Variants in PLPPR1 observed in about 807,000 individuals in gnomAD.
The protein encoded by PLPPR1 is phospholipid phosphatase-related protein type 1.
PLPPR1 carries 10 observed loss-of-function variants against 33.1 expected under a neutral mutation model. The ratio of observed to expected loss-of-function variants is 0.30; its 90% CI spans 0.19 to 0.51. The LOEUF is 0.51. Among genes scored for constraint, PLPPR1 ranks in the 20% least tolerant of loss-of-function variants. The probability of loss-of-function intolerance (pLI) is 0.97; values close to 1 mark genes in which losing one functional copy is unlikely to be tolerated. For missense variants in PLPPR1, 304 were observed against 408.1 expected (o/e 0.74, Z 2.20); for synonymous variants, 151 against 151.0 (o/e 1.00, Z 0.00).
chr9:101,160,949 A>G (rs1831764676), intron 1 of PLPPR1, among the ~76,000 whole-genome samples: 2 of 152,312 alleles, frequency 1.3e-5, no homozygotes, highest in East Asian at 3.9e-4. Context: ...CCCTTCAGCT[A>G]TTAAAGCTGT....
chr9:101,323,204 A>G (rs572490366), intron 7 of PLPPR1, among the ~76,000 whole-genome samples: 2 of 152,324 alleles, frequency 1.3e-5, no homozygotes, highest in African/African-American at 4.8e-5. Flanking sequence ...GAATAAGTTT[A>G]GGTGAAGATG....
chr9:101,111,275 T>C (rs1831052805), intron 1 of PLPPR1, among the ~76,000 whole-genome samples: 1 of 152,092 alleles, frequency 6.6e-6, no homozygotes, highest in African/African-American at 2.4e-5. Context: ...AAATAACAAA[T>C]AAAAGCTAGG....
chr9:101,088,550 T>C (rs1484179958), intron 1 of PLPPR1, among the ~76,000 whole-genome samples: 1 of 152,144 alleles, frequency 6.6e-6, no homozygotes, highest in Non-Finnish European at 1.5e-5. Flanking sequence ...TCACTTTGTG[T>C]TTCCTTTCTT....
intron 4 of PLPPR1, among the ~76,000 whole-genome samples, chr9:101,297,931 A>T (rs999951670): frequency 6.6e-6 from 1 of 152,188 alleles, no homozygotes; most frequent in African/African-American, 2.4e-5. Flanking sequence ...AGGAAGTTAC[A>T]TTTTCCAAAA....
At position 101,083,851 on chromosome 9, in the gene PLPPR1, G is replaced by GTTC. The variant is rs758343604; in HGVS notation, c.-46+54750_-46+54751insTCT. 2.0e-4 allele frequency among the ~76,000 whole-genome samples: 30 copies of GTTC among 152,330 alleles called. No homozygotes were observed. In the South Asian group the frequency reaches 5.8e-3, roughly 29 times the overall value. Reference sequence around the variant, plus strand: ...ATTCCCAAGCCTTATAAAAACAAGAGTAAGTACAGTCATGCATAATTCTCA... The same window carrying GTTC: ...ATTCCCAAGCCTTATAAAAACAAGAGTTCTAAGTACAGTCATGCATAATTCTCA... On this transcript the variant is annotated intron_variant, in intron 1 of 7. Coordinates refer to ENST00000374874, the MANE Select transcript of PLPPR1 (RefSeq NM_207299.2).
At chr9:101,323,194 G>T (rs559067053) in intron 7 of PLPPR1, among the ~76,000 whole-genome samples, 1 of 152,206 alleles carries the variant, frequency 6.6e-6, no homozygotes, top group South Asian at 2.1e-4. Flanking sequence ...ATTATATAGA[G>T]AATAAGTTTA....
chr9:101,081,757 T>C (rs1038939336), intron 1 of PLPPR1, among the ~76,000 whole-genome samples: 8 of 152,250 alleles, frequency 5.3e-5, no homozygotes, highest in Non-Finnish European at 8.8e-5. Context: ...GAAAAAGGAA[T>C]GGAGATTAGG....
intron 2 of PLPPR1, among the ~76,000 whole-genome samples, chr9:101,267,858 A>G (rs1216974248): frequency 6.6e-6 from 1 of 152,030 alleles, no homozygotes; most frequent in Admixed American, 6.5e-5. Context: ...CTCTGTTATA[A>G]TGTGTCTCAA....
At chr9:101,128,067 A>C (rs756592269) in intron 1 of PLPPR1, among the ~76,000 whole-genome samples, 1 of 152,206 alleles carries the variant, frequency 6.6e-6, no homozygotes, top group Non-Finnish European at 1.5e-5. Flanking sequence ...TTTTACTGGG[A>C]TCTAGAAAAC....
At chr9:101,305,378 A>C (rs993357915) in intron 4 of PLPPR1, among the ~76,000 whole-genome samples, 1 of 152,106 alleles carries the variant, frequency 6.6e-6, no homozygotes. Flanking sequence ...CACTGTCGTC[A>C]TGTATGATTT....
intron 2 of PLPPR1, among the ~76,000 whole-genome samples, chr9:101,202,990 A>T (rs575122397): frequency 6.6e-6 from 1 of 152,336 alleles, no homozygotes; most frequent in African/African-American, 2.4e-5. Flanking sequence ...ATAAACTCCT[A>T]TTGCACAGAA....
intron 1 of PLPPR1, among the ~76,000 whole-genome samples, chr9:101,159,204 C>T (rs184635809): frequency 6.6e-6 from 1 of 152,110 alleles, no homozygotes; most frequent in East Asian, 1.9e-4. Context: ...GAAACAAGCC[C>T]CCAGTCACAG....
rs1281098900 is a variant in PLPPR1, at chr9:101,127,804, A to T, written c.-45-57646A>T. Among the ~76,000 whole-genome samples, 3 of 152,116 alleles carry T rather than the reference A, an allele frequency of 2.0e-5. No homozygotes were observed. In the East Asian group the frequency reaches 5.8e-4, roughly 29 times the overall value. ...TGGACATGTTCCAAGACTCTTTTAC[A>T]TTATGTCAGACATGCAAGCCTTGCC... On this transcript the variant is annotated intron_variant, in intron 1 of 7. Coordinates refer to ENST00000374874, the MANE Select transcript of PLPPR1 (RefSeq NM_207299.2).
intron 2 of PLPPR1, among the ~76,000 whole-genome samples, chr9:101,228,480 C>T (rs1309556405): frequency 6.6e-6 from 1 of 152,016 alleles, no homozygotes; most frequent in Non-Finnish European, 1.5e-5. Context: ...ATATATCACA[C>T]TTAAAAGCGC....
At chr9:101,130,885 A>T (rs370510808) in intron 1 of PLPPR1, among the ~76,000 whole-genome samples, 10 of 152,192 alleles carry the variant, frequency 6.6e-5, no homozygotes, top group Non-Finnish European at 1.5e-4. Context: ...TTTGACAGGT[A>T]TGGCTTTAAA....
chr9:101,300,941 T>C (rs183917818), intron 4 of PLPPR1, among the ~76,000 whole-genome samples: 94 of 152,340 alleles, frequency 6.2e-4, no homozygotes, highest in African/African-American at 2.2e-3. Context: ...AAGGCTCATA[T>C]TTGTGAGATA....
intron 1 of PLPPR1, among the ~76,000 whole-genome samples, chr9:101,156,554 A>G (rs1005123893): frequency 7.5e-6 from 1 of 132,918 alleles, no homozygotes; most frequent in Non-Finnish European, 1.6e-5. Flanking sequence ...CCTGTCTCCA[A>G]AAAAAAAAAA....
intron 1 of PLPPR1, among the ~76,000 whole-genome samples, chr9:101,076,875 GTCT>G (rs1314822644): frequency 1.3e-5 from 2 of 152,176 alleles, no homozygotes; most frequent in Non-Finnish European, 2.9e-5. Flanking sequence ...TCTAGAACAA[GTCT>G]TCTTCCACTA....
At chr9:101,160,782 A>AT (rs1323117154) in intron 1 of PLPPR1, among the ~76,000 whole-genome samples, 1 of 152,164 alleles carries the variant, frequency 6.6e-6, no homozygotes, top group Non-Finnish European at 1.5e-5. Context: ...TGCAAATATG[A>AT]TTTTGAAAAA....
Sources: allele counts gnomAD v4.1 joint callset (sites outside exome capture counted in the v4.1 genomes callset), GRCh38; gene constraint gnomAD v4.1.1; transcripts MANE v1.5; gene names NCBI Gene and HGNC (gene_info 2026-07-23, HGNC 2026-07-21).